The following CACNB4 variants were observed in gnomAD, a reference collection of about 807,000 sequenced individuals.
CACNB4 encodes calcium voltage-gated channel auxiliary subunit beta 4, also known as voltage-dependent L-type calcium channel subunit beta-4.
CACNB4 carries 32 observed loss-of-function variants against 71.2 expected under a neutral mutation model. The ratio of observed to expected loss-of-function variants is 0.45; its 90% CI spans 0.34 to 0.60. The LOEUF (loss-of-function observed/expected upper bound fraction) is 0.60. CACNB4 is among the 20% of genes least tolerant of loss of function. The probability of loss-of-function intolerance (pLI) is 0.01; values close to 1 mark genes in which losing one functional copy is unlikely to be tolerated. For missense variants in CACNB4, 464 were observed against 647.9 expected (o/e 0.72, Z 3.08); for synonymous variants, 231 against 236.9 (o/e 0.97, Z 0.23).
intron 2 of CACNB4, among the ~76,000 whole-genome samples, chr2:151,934,862 C>G (rs2099862537): frequency 6.6e-6 from 1 of 152,162 alleles, no homozygotes; most frequent in Non-Finnish European, 1.5e-5. Flanking sequence ...CCTTATTTAC[C>G]ATTTCTATGA....
intron 2 of CACNB4, among the ~76,000 whole-genome samples, chr2:152,051,677 AGT>A (rs1383059429): frequency 6.6e-6 from 1 of 152,236 alleles, no homozygotes; most frequent in East Asian, 1.9e-4. Flanking sequence ...TGCTGGTACC[AGT>A]ATCATGGACT....
intron 2 of CACNB4, chr2:151,972,721 TAA>T (rs2099872930): frequency 6.6e-6 from 1 of 152,062 alleles, no homozygotes; most frequent in South Asian, 2.1e-4. Context: ...TTTTTTGTTA[TAA>T]CCTGTTTATT....
intron 2 of CACNB4, among the ~76,000 whole-genome samples, chr2:152,089,028 C>A (rs1450701175): frequency 6.6e-6 from 1 of 152,220 alleles, no homozygotes; most frequent in East Asian, 1.9e-4. Flanking sequence ...TCAGCTTTTT[C>A]ATGAATTTCG....
chr2:152,098,363 G>A lies in CACNB4; in HGVS notation c.114C>T (p.Gly38=). Residue 38 remains glycine, a synonymous_variant, in exon 2 of 14, where the codon GGC becomes GGT. Coordinates refer to ENST00000539935, the MANE Select transcript of CACNB4 (RefSeq NM_000726.5). This position sits in a 1 kb window ranked among gnomAD's most constrained non-coding sequence, Gnocchi z 5.3. ...TRRSRLKRSD[G]STTSTSFILR... is the part of the protein sequence containing the mutation. ...GGATGAAGCTGGTCGAAGTGGTGCT[G>A]CCATCGGATCTTTTCAACCTGCTCC... 6 of 1,613,706 alleles carry A rather than the reference G, an allele frequency of 3.7e-6. No individual in the cohort carries two copies. The highest frequency in any genetic ancestry group is 5.1e-6 in the Non-Finnish European group (6 of 1,179,628).
chr2:151,846,685 T>A (rs1357683404), intron 12 of CACNB4, among the ~76,000 whole-genome samples: 2 of 152,122 alleles, frequency 1.3e-5, no homozygotes, highest in Non-Finnish European at 2.9e-5. Flanking sequence ...CCTGAGTAAC[T>A]GGGACTACAG....
chr2:152,095,876 C>G (rs999716385), intron 2 of CACNB4, among the ~76,000 whole-genome samples: 1 of 152,130 alleles, frequency 6.6e-6, no homozygotes, highest in Non-Finnish European at 1.5e-5. Context: ...TGGTTTGAAA[C>G]TCCTGACCTC....
intron 2 of CACNB4, among the ~76,000 whole-genome samples, chr2:151,960,751 G>C (rs889686538): frequency 6.6e-6 from 1 of 152,118 alleles, no homozygotes; most frequent in African/African-American, 2.4e-5. Context: ...TCCACATTTT[G>C]TAAGTCTTAG....
rs187578476 is a variant in CACNB4, at chr2:151,962,071, T to A, written c.148-78701A>T. Among the ~76,000 whole-genome samples the A allele has an allele frequency of 3.1e-3, 476 of 152,314 alleles. 3 individuals are homozygous for A. Among genetic ancestry groups the A allele is most frequent in the Non-Finnish European group, 5.6e-3 (379 of 68,028 alleles). ...CCGGTAAGCTCTGCTCTTTGGCTTC[T>A]GGCTGAGTTTGGCCAAAAGGCACCC... On this transcript the variant is annotated intron_variant, in intron 2 of 13. Coordinates refer to ENST00000539935, the MANE Select transcript of CACNB4 (RefSeq NM_000726.5).
intron 12 of CACNB4, among the ~76,000 whole-genome samples, chr2:151,842,406 A>G (rs1003590705): frequency 7.0e-6 from 1 of 143,708 alleles, no homozygotes; most frequent in East Asian, 2.1e-4. Flanking sequence ...TCTCGGCTCA[A>G]TGCAACCTCT....
intron 9 of CACNB4, chr2:151,867,717 G>A (rs1023097531): frequency 2.6e-5 from 4 of 152,176 alleles, no homozygotes; most frequent in Non-Finnish European, 5.9e-5. Flanking sequence ...CTGCAATTAA[G>A]TATGACCACA....
At chr2:151,975,636 G>A (rs1052626022) in intron 2 of CACNB4, among the ~76,000 whole-genome samples, 1 of 152,076 alleles carries the variant, frequency 6.6e-6, no homozygotes, top group African/African-American at 2.4e-5. Flanking sequence ...CCCTGGCCAC[G>A]TGGAACCTCG....
chr2:151,951,779 A>G (rs1235436703), intron 2 of CACNB4, among the ~76,000 whole-genome samples: 1 of 152,244 alleles, frequency 6.6e-6, no homozygotes, highest in Non-Finnish European at 1.5e-5. Flanking sequence ...AGGAAGCTGG[A>G]GTCCTCTGCA....
chr2:151,977,504 C>T (rs1056870470), intron 2 of CACNB4, among the ~76,000 whole-genome samples: 1 of 152,166 alleles, frequency 6.6e-6, no homozygotes, highest in Non-Finnish European at 1.5e-5. Context: ...TTTCCTTACC[C>T]GTGCTGGGCT....
At chr2:151,857,873 C>T (rs1165982819) in intron 10 of CACNB4, 1 of 152,210 alleles carries the variant, frequency 6.6e-6, no homozygotes, top group Non-Finnish European at 1.5e-5. Context: ...GCCATACCTA[C>T]TGCTTAACCA....
At chr2:152,067,707 G>T (rs181647869) in intron 2 of CACNB4, among the ~76,000 whole-genome samples, 2 of 152,104 alleles carry the variant, frequency 1.3e-5, no homozygotes, top group Non-Finnish European at 2.9e-5. Flanking sequence ...TAGATCACCC[G>T]CCCTATTGCT....
chr2:152,058,821 A>G (rs766952403), intron 2 of CACNB4, among the ~76,000 whole-genome samples: 62 of 152,242 alleles, frequency 4.1e-4, no homozygotes, highest in Admixed American at 1.6e-3. Flanking sequence ...GGCCCCTCCC[A>G]TCACAGGCCC....
At chr2:152,010,050 G>A (rs1180620580) in intron 2 of CACNB4, among the ~76,000 whole-genome samples, 1 of 152,140 alleles carries the variant, frequency 6.6e-6, no homozygotes, top group East Asian at 1.9e-4. Context: ...AGGACCATAG[G>A]GAGCTAAGTT....
At chr2:152,052,904 C>T (rs1420620650) in intron 2 of CACNB4, among the ~76,000 whole-genome samples, 4 of 151,948 alleles carry the variant, frequency 2.6e-5, no homozygotes, top group Non-Finnish European at 5.9e-5. Flanking sequence ...ATCGCTTGAA[C>T]CCGGGAGATG....
chr2:151,882,333 TG>T (rs577670118), intron 3 of CACNB4, among the ~76,000 whole-genome samples: 2 of 151,810 alleles, frequency 1.3e-5, no homozygotes, highest in Non-Finnish European at 2.9e-5. Flanking sequence ...GAATTACAGA[TG>T]TGAGCCACCA....
Sources: allele counts gnomAD v4.1 joint callset (sites outside exome capture counted in the v4.1 genomes callset), GRCh38; gene constraint gnomAD v4.1.1; non-coding constraint Gnocchi (gnomAD v3.1); transcripts MANE v1.5; gene names NCBI Gene and HGNC (gene_info 2026-07-23, HGNC 2026-07-21).